The following MEFV variants were observed in gnomAD, a reference collection of about 807,000 sequenced individuals.
MEFV encodes the protein MEFV innate immunity regulator, pyrin.
A neutral mutation model predicts 62.5 loss-of-function variants in MEFV; 60 were observed. That is an observed-to-expected ratio of 0.96 (90% CI 0.78 to 1.19). The LOEUF is 1.19. MEFV is among the 50% of genes most tolerant of loss of function. The pLI is 0.00. For synonymous variants in MEFV, 500 were observed against 415.2 expected (o/e 1.20, Z -2.48); for missense variants, 1,169 against 1,004.5 (o/e 1.16, Z -2.21).
intron 2 of MEFV, among the ~76,000 whole-genome samples, chr16:3,253,330 C>T (rs560679559): frequency 6.6e-6 from 1 of 152,244 alleles, no homozygotes; most frequent in Admixed American, 6.6e-5. Context: ...AGCGCCTGCA[C>T]ATATGGAACC....
Sources: allele counts gnomAD v4.1 joint callset (sites outside exome capture counted in the v4.1 genomes callset), GRCh38; gene constraint gnomAD v4.1.1; transcripts MANE v1.5; gene names NCBI Gene and HGNC (gene_info 2026-07-23, HGNC 2026-07-21).